Variants in FAM13B observed in about 807,000 individuals in gnomAD.
FAM13B encodes the protein family with sequence similarity 13 member B.
A neutral mutation model predicts 117.3 loss-of-function variants in FAM13B; 60 were observed. The ratio of observed to expected loss-of-function variants is 0.51; its 90% confidence interval spans 0.42 to 0.63. The LOEUF is 0.63. FAM13B is among the 30% of genes least tolerant of loss of function. FAM13B has a pLI of 0.00. For synonymous variants in FAM13B, 332 were observed against 356.1 expected (o/e 0.93, Z 0.76); for missense variants, 972 against 1,091.9 (o/e 0.89, Z 1.55).
At chr5:137,966,486 TATAGAGAGAGAG>T (rs1373631102) in intron 10 of FAM13B, among the ~76,000 whole-genome samples, 90 of 44,010 alleles carry the variant, frequency 2.0e-3, no homozygotes, top group African/African-American at 4.8e-3. Flanking sequence ...TATATATATA[TATAGAGAGAGAG>T]AGAGAGAGAG....
intron 10 of FAM13B, among the ~76,000 whole-genome samples, chr5:137,970,989 T>C (rs2150393469): frequency 6.6e-6 from 1 of 152,052 alleles, no homozygotes; most frequent in African/African-American, 2.4e-5. Flanking sequence ...CAAAGAGACT[T>C]AGACTTCCAC....
In FAM13B at chr5:137,978,076, G is replaced by GT. The variant is rs139197066; in HGVS notation, c.1179+7180dup. ...TTGTATGTTTTGTTTTTTGTTTTTT[G>GT]TTTTTTTTTCAAAATAACTTTACCT... On this transcript the variant is annotated intron_variant, in intron 10 of 23. Transcript: ENST00000689681. Among the ~76,000 whole-genome samples the GT allele has an allele frequency of 6.0e-3, 882 of 147,788 alleles. 11 individuals carry two copies. Among genetic ancestry groups the GT allele is most frequent in the African/African-American group, 0.019 (760 of 40,226 alleles).
chr5:137,941,250 G>A (rs1043717410), intron 23 of FAM13B, among the ~76,000 whole-genome samples: 7 of 151,964 alleles, frequency 4.6e-5, no homozygotes, highest in Admixed American at 3.9e-4. Context: ...ACCTATATAG[G>A]AGACTCACAA....
chr5:138,036,856 T>A (rs879306699), upstream of FAM13B: 134 of 337,954 alleles, frequency 4.0e-4, 1 homozygote, highest in African/African-American at 2.1e-3. Flanking sequence ...GGTTTTTTTT[T>A]AAACTTTTTT....
At chr5:137,954,047 T>A (rs1344395514) in intron 15 of FAM13B, 119 bp downstream of exon 15, 2 of 552,420 alleles carry the variant, frequency 3.6e-6, no homozygotes, top group East Asian at 6.4e-5. Context: ...CTCTCTTTTT[T>A]TTTTTTTTTT....
At chr5:138,010,877 T>A (rs541822096) in intron 6 of FAM13B, 131 bp downstream of exon 6, 1 of 975,890 alleles carries the variant, frequency 1.0e-6, no homozygotes, top group East Asian at 3.0e-5. Flanking sequence ...TGATTACATA[T>A]AATAACCAAG....
chr5:137,957,413 G>A (rs1229087344), intron 13 of FAM13B, among the ~76,000 whole-genome samples: 1 of 151,952 alleles, frequency 6.6e-6, no homozygotes, highest in Admixed American at 6.6e-5. Context: ...AGTGGCACAT[G>A]TCTGTAATCC....
Position 137,949,088 on chromosome 5 carries a change from T to C in FAM13B, c.2027A>G (p.Glu676Gly), listed in dbSNP as rs1331465981. 2 of 1,614,126 alleles carry C rather than the reference T, an allele frequency of 1.2e-6. No homozygotes were observed. Among genetic ancestry groups the C allele is most frequent in the Admixed American group, 3.3e-5 (2 of 60,032 alleles). Residue 676 changes from glutamate to glycine, a missense_variant, in exon 18 of 24, where the codon GAA becomes GGA. Physicochemically the swap from Glu to Gly is moderately conservative, Grantham distance 98. Transcript: ENST00000689681. ...GGGTTCATCTTCATTCTCTTCATCT[T>C]CATGGTCTAGAGAAGAGCCAAAGCT... Reference protein sequence around the residue: ...PKSFGSSLDHEDEENEDEPKV... With the variant: ...PKSFGSSLDHGDEENEDEPKV...
chr5:137,987,612 A>T lies in FAM13B; in HGVS notation c.895T>A (p.Leu299Ile). The T allele has an allele frequency of 6.2e-7, 1 of 1,609,588 alleles. No homozygotes were observed. The highest frequency in any genetic ancestry group is 8.5e-7 in the Non-Finnish European group (1 of 1,178,130). The change falls in exon 9 of 24, where the codon TTA (leucine) becomes ATA (isoleucine). Residue 299 changes from leucine (L) to isoleucine (I), a missense_variant. By Grantham distance (5) the Leu-to-Ile change is conservative. Transcript: ENST00000689681. ...ISILPASTDI[L>I]ERTIRAAVEQ... Reference sequence around the variant, plus strand: ...ACAGCTGCTCTAATTGTTCTTTCTAAAATACTACAAAACAACACGTTTTAG... The same window carrying T: ...ACAGCTGCTCTAATTGTTCTTTCTATAATACTACAAAACAACACGTTTTAG...
Position 137,956,184 on chromosome 5 carries a change from A to G in FAM13B, c.1507+293T>C, listed in dbSNP as rs189834537. Among the ~76,000 whole-genome samples the G allele has an allele frequency of 1.2e-3, 188 of 152,368 alleles. 4 individuals are homozygous for G. Among genetic ancestry groups the G allele is most frequent in the Middle Eastern group, 0.01 (3 of 294 alleles). On this transcript the variant is annotated intron_variant, in intron 14 of 23. Coordinates refer to ENST00000689681, the MANE Select transcript of FAM13B (RefSeq NM_001385994.1). ...TTTTTGAAGCCCAGATCAATCTGAG[A>G]ATTAAAAATTGGGTACAAAGCGTGC...
At chr5:137,951,437 T>C (rs1020662102) in intron 17 of FAM13B, among the ~76,000 whole-genome samples, 1 of 152,004 alleles carries the variant, frequency 6.6e-6, no homozygotes, top group African/African-American at 2.4e-5. Context: ...GTGGGAGAAC[T>C]GCTGAAGGCC....
At chr5:138,021,359 G>A (rs1000251096) in intron 1 of FAM13B, among the ~76,000 whole-genome samples, 162 bp from the exon 2 acceptor site, 5 of 152,146 alleles carry the variant, frequency 3.3e-5, no homozygotes, top group Admixed American at 3.3e-4. Context: ...ACCTTGCAAC[G>A]GTTTCAGATG....
chr5:137,975,178 G>C (rs1773551556), intron 10 of FAM13B, among the ~76,000 whole-genome samples: 2 of 152,108 alleles, frequency 1.3e-5, no homozygotes, highest in South Asian at 4.1e-4. Context: ...AAAGCCACTT[G>C]AATCACGCCA....
chr5:138,011,061 C>A lies in FAM13B; in HGVS notation c.637G>T (p.Glu213Ter). ...GLLENYYEFF[E>*]NEEEDFSSND... ...GATGAAAAATCTTCCTCTTCATTCT[C>A]AAAAAACTCATAGTAGTTTTCCAGA... Residue 213 changes from glutamate (E) to a stop codon, truncating the protein, a stop_gained, in exon 6 of 24, where the codon GAG (glutamate) becomes TAG (stop). Transcript: ENST00000689681. LOFTEE classifies it high-confidence loss of function. The A allele has an allele frequency of 6.2e-7, 1 of 1,609,264 alleles. No homozygotes were observed. The highest frequency in any genetic ancestry group is 1.1e-5 in the South Asian group (1 of 90,264).
intron 9 of FAM13B, among the ~76,000 whole-genome samples, chr5:137,986,554 T>C (rs111366112): frequency 0.038 from 5,792 of 152,218 alleles, 134 homozygotes; most frequent in Middle Eastern, 0.058. Flanking sequence ...CTTTCCTTCA[T>C]TTAAAGGTAA....
intron 7 of FAM13B, among the ~76,000 whole-genome samples, chr5:138,005,197 A>G (rs1173694452): frequency 1.3e-5 from 2 of 152,240 alleles, no homozygotes; most frequent in South Asian, 2.1e-4. Flanking sequence ...AGATTGTGCC[A>G]TTGCACTCCT....
intron 10 of FAM13B, among the ~76,000 whole-genome samples, chr5:137,970,293 G>A (rs1330692751): frequency 1.3e-5 from 2 of 151,970 alleles, no homozygotes. Flanking sequence ...AGAAGAGAGT[G>A]GGGGCCAATA....
At chr5:137,985,410 T>G (rs1776927501) in intron 9 of FAM13B, 21 bp from the exon 10 acceptor site, 1 of 1,611,758 alleles carries the variant, frequency 6.2e-7, no homozygotes, top group Non-Finnish European at 8.5e-7. Context: ...AGTTTAAAAA[T>G]CAGATCAGGC....
intron 4 of FAM13B, among the ~76,000 whole-genome samples, chr5:138,013,947 A>AT (rs953353246): frequency 6.6e-6 from 1 of 151,874 alleles, no homozygotes; most frequent in Admixed American, 6.6e-5. Flanking sequence ...GCGCAGAGAT[A>AT]TTTTTTTCTT....
Sources: allele counts gnomAD v4.1 joint callset (sites outside exome capture counted in the v4.1 genomes callset), GRCh38; gene constraint gnomAD v4.1.1; transcripts MANE v1.5; gene names NCBI Gene and HGNC (gene_info 2026-07-23, HGNC 2026-07-21).